CYP2A7: variants seen among roughly 807,000 people sequenced by gnomAD.
CYP2A7 encodes the protein cytochrome P450 family 2 subfamily A member 7, also known as cytochrome P450 2A7.
In CYP2A7, 36 loss-of-function variants were observed where a neutral mutation model predicts 42.0. That is an observed-to-expected ratio of 0.86 (90% CI 0.66 to 1.13). CYP2A7 has a LOEUF of 1.13. Among genes scored for constraint, CYP2A7 ranks in the 50% most tolerant of loss-of-function variants. CYP2A7 has a pLI of 0.00. For synonymous variants in CYP2A7, 260 were observed against 249.5 expected, an observed-to-expected ratio of 1.04 and a Z score of -0.40; for missense variants, 661 against 634.1, an observed-to-expected ratio of 1.04 and a Z score of -0.46.
In CYP2A7 at chr19:40,876,520, C is replaced by T; in HGVS notation, c.1303+7G>A. 6.2e-7 allele frequency: 1 copy of T among 1,612,790 alleles called. No homozygotes were observed. Among genetic ancestry groups the T allele is most frequent in the South Asian group, 1.1e-5 (1 of 91,016 alleles). On this transcript the variant is annotated splice_region_variant and intron_variant, in intron 8 of 8. Coordinates refer to ENST00000301146, the MANE Select transcript of CYP2A7 (RefSeq NM_000764.3). ...CAGTGGCCTGGCAGCAAACAGTGGTCTCTTACCGATGGAAAAGGGCACAAA... is the reference window on the plus strand; with the variant it reads ...CAGTGGCCTGGCAGCAAACAGTGGTTTCTTACCGATGGAAAAGGGCACAAA...
At chr19:40,877,613 G>C (rs754704400) in intron 6 of CYP2A7, among the ~76,000 whole-genome samples, 1 of 151,416 alleles carries the variant, frequency 6.6e-6, no homozygotes, top group East Asian at 1.9e-4. Flanking sequence ...CCGGGGGAAG[G>C]GGCAGCGGGC....
chr19:40,877,515 C>A, intron 6 of CYP2A7, 138 bp from the exon 7 acceptor site: 1 of 1,333,676 alleles, frequency 7.5e-7, no homozygotes, highest in Non-Finnish European at 1.0e-6. Flanking sequence ...GAACAGACAT[C>A]GGCCATTCGC....
intron 6 of CYP2A7, among the ~76,000 whole-genome samples, 165 bp downstream of exon 6, chr19:40,877,687 G>T (rs138593323): frequency 0.077 from 11,672 of 151,476 alleles, 691 homozygotes; most frequent in Middle Eastern, 0.079. Context: ...TATTTTAATA[G>T]CTAATGAGAC....
In CYP2A7 at chr19:40,875,631, C is replaced by G; in HGVS notation, c.*62G>C. ...TCTTATACCCGCCTCTTCCGCGAAC[C>G]CCGCCCTGACCCCGCCTTTCCCTGG... On this transcript the variant is annotated 3_prime_UTR_variant, in exon 9 of 9. Transcript: ENST00000301146. The G allele has an allele frequency of 6.2e-7, 1 of 1,610,020 alleles. No homozygotes were observed. The highest frequency in any genetic ancestry group is 1.1e-5 in the South Asian group (1 of 90,816).
At position 40,877,713 on chromosome 19, in the gene CYP2A7, C is replaced by G. The variant is rs541064157; in HGVS notation, c.973+139G>C. ...CTAATGAGACTCAGCTGATGCCTACCAGCTGAATGTTGCCCTGTCTCTGGA... is the reference window on the plus strand; with the variant it reads ...CTAATGAGACTCAGCTGATGCCTACGAGCTGAATGTTGCCCTGTCTCTGGA... On this transcript the variant is annotated intron_variant, in intron 6 of 8. Coordinates refer to ENST00000301146, the MANE Select transcript of CYP2A7 (RefSeq NM_000764.3). 3.2e-6 allele frequency: 4 copies of G among 1,248,728 alleles called. No homozygotes were observed. The South Asian group carries it at 4.5e-5, about 14-fold the overall frequency. The allele number at this position is 1,248,728 out of a possible 1,614,324, so 77.4% of individuals were successfully genotyped here.
chr19:40,878,351 G>A (rs938760836), intron 5 of CYP2A7, among the ~76,000 whole-genome samples: 5 of 151,602 alleles, frequency 3.3e-5, no homozygotes, highest in Admixed American at 1.3e-4. Context: ...AACTGCACAC[G>A]CGCATGACCA....
rs754344920 is a variant in CYP2A7 at position 40,877,334 on chromosome 19, C to T, written c.1017G>A (p.Arg339=). The T allele has an allele frequency of 6.8e-6, 11 of 1,612,512 alleles. No homozygotes were observed. Among genetic ancestry groups the T allele is most frequent in the Non-Finnish European group, 9.3e-6 (11 of 1,179,078 alleles). The change falls in exon 7 of 9, where the codon CGG becomes CGA. Residue 339 remains arginine, a synonymous_variant. Transcript: ENST00000301146. Reference sequence around the variant, plus strand: ...TGGTCCGGTCCTCAAACTTGGGCTGCCGGTTCTTGCCGATCACTCTGTCAA... The same window carrying T: ...TGGTCCGGTCCTCAAACTTGGGCTGTCGGTTCTTGCCGATCACTCTGTCAA... ...EEIDRVIGKN[R]QPKFEDRTKM...
rs1967574582 is a variant in CYP2A7, at chr19:40,877,950, A to G, written c.875T>C (p.Met292Thr). ...PNTEFYLKNL[M>T]MSTLNLFIAG... ...AATGAAGAGGTTCAACGTGCTCATCATCAGGTTCTTCAAGTAGAACTCCGT... is the reference window on the plus strand; with the variant it reads ...AATGAAGAGGTTCAACGTGCTCATCGTCAGGTTCTTCAAGTAGAACTCCGT... The change falls in exon 6 of 9, where the codon ATG becomes ACG. Residue 292 changes from methionine to threonine, a missense_variant. Around this residue, in one of 3 missense-constraint regions of CYP2A7, gnomAD observed 614 missense variants for 552.4 expected, o/e 1.11. Coordinates refer to ENST00000301146, the MANE Select transcript of CYP2A7 (RefSeq NM_000764.3). 1 of 1,612,446 alleles carries G rather than the reference A, an allele frequency of 6.2e-7. No individual in the cohort carries two copies. Among genetic ancestry groups the G allele is most frequent in the Admixed American group, 1.7e-5 (1 of 59,762 alleles).
At chr19:40,878,132 A>G in intron 5 of CYP2A7, 139 bp from the exon 6 acceptor site, 7 of 942,744 alleles carry the variant, frequency 7.4e-6, no homozygotes, top group Non-Finnish European at 7.7e-6. Context: ...GACTCGCTCT[A>G]GGTTCCAGCC....
In CYP2A7 at chr19:40,880,152, T is replaced by C; in HGVS notation, c.586A>G (p.Lys196Glu). 1.9e-6 allele frequency: 3 copies of C among 1,613,004 alleles called. No individual in the cohort carries two copies. The highest frequency in any genetic ancestry group is 2.5e-6 in the Non-Finnish European group (3 of 1,179,258). The change falls in exon 4 of 9, where the codon AAA (lysine) becomes GAA (glutamate). Residue 196 changes from lysine to glutamate, a missense_variant. By Grantham distance (56) the Lys-to-Glu change is moderately conservative (BLOSUM62 1). Coordinates refer to ENST00000301146, the MANE Select transcript of CYP2A7 (RefSeq NM_000764.3). The stretch of plus-strand genomic sequence containing the variant: ...ATGCTCAGCAGTGACAGGAACTCTT[T>C]GTCCTCATAGTCAAAGCGGTCCCCA... Reference protein sequence around the residue: ...VFGDRFDYEDKEFLSLLSMML... With the variant: ...VFGDRFDYEDEEFLSLLSMML...
rs768613254 is a variant in CYP2A7, at chr19:40,881,735, C to T, written c.197G>A (p.Gly66Asp). Residue 66 changes from glycine to aspartate, a missense_variant, in exon 2 of 9, where the codon GGC (glycine) becomes GAC (aspartate). Transcript: ENST00000301146. ...CCCCAAGTGAATGGTGAACACGGGG[C>T]CATAGCACTCACTGAACTGATGGAG... is the stretch of plus-strand genomic sequence containing the variant. ...DSIMKFSECY[G>D]PVFTIHLGPR... is the part of the protein sequence containing the mutation. 1 of 1,589,770 alleles carries T rather than the reference C, an allele frequency of 6.3e-7. No homozygotes were observed. The highest frequency in any genetic ancestry group is 1.8e-5 in the Admixed American group (1 of 55,114).
chr19:40,879,013 C>T, intron 4 of CYP2A7, 77 bp from the exon 5 acceptor site: 2 of 1,523,610 alleles, frequency 1.3e-6, no homozygotes, highest in Non-Finnish European at 1.8e-6. Context: ...GGATTTGTTT[C>T]ATAGCAAGGA....
rs141182893 is a variant in CYP2A7, at chr19:40,875,713, T to C, written c.1465A>G (p.Met489Val). Residue 489 changes from methionine to valine, a missense_variant, in exon 9 of 9, where the codon ATG becomes GTG. Transcript: ENST00000301146. ...CTCGCTCAGCGGGGCAGGAAGCTCA[T>C]GGTGTAGTTTCGTGGGATCGTGGCA... ...VFATIPRNYT[M>V]SFLPR The C allele has an allele frequency of 1.9e-5, 31 of 1,608,954 alleles. 2 individuals are homozygous for C. The African/African-American group carries it at 2.0e-4, about 10-fold the overall frequency.
At chr19:40,881,427 G>A (rs1205369107) in intron 2 of CYP2A7, among the ~76,000 whole-genome samples, 162 bp downstream of exon 2, 3 of 151,548 alleles carry the variant, frequency 2.0e-5, no homozygotes, top group East Asian at 3.9e-4. Flanking sequence ...GACAGGTGAG[G>A]GATACACATG....
At chr19:40,879,183 A>G (rs1967602418) in intron 4 of CYP2A7, among the ~76,000 whole-genome samples, 1 of 151,840 alleles carries the variant, frequency 6.6e-6, no homozygotes, top group South Asian at 2.1e-4. Flanking sequence ...AGGTATGCAA[A>G]TGAGGCTGGA....
At position 40,882,047 on chromosome 19, in the gene CYP2A7, C is replaced by A; in HGVS notation, c.164G>T (p.Cys55Phe). 1.9e-6 allele frequency: 3 copies of A among 1,613,794 alleles called. No individual in the cohort carries two copies. The highest frequency in any genetic ancestry group is 1.1e-5 in the South Asian group (1 of 91,034). Residue 55 changes from cysteine (C) to phenylalanine (F), a missense_variant, in exon 1 of 9, where the codon TGT becomes TTT. Cys to Phe is a radical substitution (Grantham distance 205). Coordinates refer to ENST00000301146, the MANE Select transcript of CYP2A7 (RefSeq NM_000764.3). ...TTGGGACACCTTCATGATGGAGTCA[C>A]ATATGTGCTCTGTGTTCAGCTGGAG... ...NYLQLNTEHI[C>F]DSIMKFSECY... is the part of the protein sequence containing the mutation.
At chr19:40,880,062 G>A (rs751345456) in intron 4 of CYP2A7, 22 bp downstream of exon 4, 4 of 1,610,658 alleles carry the variant, frequency 2.5e-6, no homozygotes, top group East Asian at 4.5e-5. Context: ...GGGGCGTCAC[G>A]GGCCGGGCTG....
rs117244518 is a variant in CYP2A7, at chr19:40,877,944, C to G, written c.881G>C (p.Ser294Thr). The G allele has an allele frequency of 0.028, 45,217 of 1,612,598 alleles. 1,712 individuals carry two copies. Among genetic ancestry groups the G allele is most frequent in the Non-Finnish European group, 0.034 (39,835 of 1,179,046 alleles). The stretch of plus-strand genomic sequence containing the variant: ...GCCTGCAATGAAGAGGTTCAACGTG[C>G]TCATCATCAGGTTCTTCAAGTAGAA... ...TEFYLKNLMM[S>T]TLNLFIAGTE... The change falls in exon 6 of 9, where the codon AGC becomes ACC. Residue 294 changes from serine to threonine, a missense_variant. By Grantham distance (58) the Ser-to-Thr change is moderately conservative. Around this residue, in one of 3 missense-constraint regions of CYP2A7, gnomAD observed 614 missense variants for 552.4 expected, o/e 1.11. Transcript: ENST00000301146.
rs553233666 is a variant in CYP2A7, at chr19:40,878,725, C to T, written c.831+35G>A. 42 of 1,605,128 alleles carry T rather than the reference C, an allele frequency of 2.6e-5. 1 individual carries two copies. The South Asian group carries it at 4.4e-4, about 17-fold the overall frequency. ...CCCAGTCTGATTTCCCTCTGCCTGG[C>T]TTTGCACCTCCCCGCACTGGCTGCT... On this transcript the variant is annotated intron_variant, in intron 5 of 8. Coordinates refer to ENST00000301146, the MANE Select transcript of CYP2A7 (RefSeq NM_000764.3).
Sources: gnomAD v4.1 joint callset for allele counts (sites outside exome capture counted in the v4.1 genomes callset) on GRCh38, gnomAD v4.1.1 for gene constraint, gnomAD v4.1.1 regional missense constraint, MANE v1.5 for transcripts, NCBI Gene and HGNC (gene_info 2026-07-23, HGNC 2026-07-21) for gene names.